ARHGAP22: variants seen among roughly 807,000 people sequenced by gnomAD.
ARHGAP22 encodes rho GTPase-activating protein 22.
ARHGAP22 carries 48 observed loss-of-function variants against 59.1 expected under a neutral mutation model. The observed-to-expected ratio is 0.81, with a 90% confidence interval of 0.64 to 1.03. The LOEUF (loss-of-function observed/expected upper bound fraction) is 1.03, where lower values mean the gene tolerates loss of function less well. Ranked by LOEUF, ARHGAP22 falls within the 50% of genes least tolerant of loss-of-function variation. ARHGAP22 has a pLI of 0.00. For missense variants in ARHGAP22, 1,015 were observed against 958.7 expected (o/e 1.06, Z -0.78); for synonymous variants, 445 against 416.4 (o/e 1.07, Z -0.84).
chr10:48,448,554 C>T (rs1442916932), intron 9 of ARHGAP22, among the ~76,000 whole-genome samples: 1 of 152,100 alleles, frequency 6.6e-6, no homozygotes, highest in African/African-American at 2.4e-5. Context: ...TGGGGAGGGG[C>T]TCTGACCAGA....
intron 1 of ARHGAP22, among the ~76,000 whole-genome samples, chr10:48,621,449 A>G (rs966610272): frequency 2.6e-5 from 4 of 152,238 alleles, no homozygotes; most frequent in Admixed American, 2.6e-4. Context: ...ATTCTTATTC[A>G]GAAAATAATT....
intron 3 of ARHGAP22, among the ~76,000 whole-genome samples, chr10:48,501,174 TG>T (rs1034320958): frequency 5.0e-4 from 76 of 152,340 alleles, no homozygotes; most frequent in African/African-American, 1.8e-3. Context: ...TGCCCAGATT[TG>T]TTTGAATATG....
intron 2 of ARHGAP22, among the ~76,000 whole-genome samples, chr10:48,560,113 T>C (rs7894971): frequency 0.27 from 40,474 of 152,094 alleles, 6,047 homozygotes; most frequent in African/African-American, 0.4. Context: ...AACCATCTGA[T>C]CTTAAATCTA....
chr10:48,620,317 C>T (rs2061241097), intron 1 of ARHGAP22, among the ~76,000 whole-genome samples: 1 of 151,558 alleles, frequency 6.6e-6, no homozygotes, highest in Non-Finnish European at 1.5e-5. Context: ...CATACACTGT[C>T]TTCCCATCTC....
intron 3 of ARHGAP22, among the ~76,000 whole-genome samples, chr10:48,547,518 C>T (rs2056549223): frequency 1.3e-5 from 2 of 152,222 alleles, no homozygotes; most frequent in African/African-American, 4.8e-5. Flanking sequence ...CCCCGAGTCT[C>T]CTGACCCTGA....
At chr10:48,602,773 A>G (rs1046188680) in intron 1 of ARHGAP22, among the ~76,000 whole-genome samples, 43 of 152,230 alleles carry the variant, frequency 2.8e-4, no homozygotes, top group Non-Finnish European at 5.9e-5. Flanking sequence ...AATCAGTCAC[A>G]CTCAGGAGTA....
At chr10:48,582,853 G>A in intron 2 of ARHGAP22, 100 bp downstream of exon 2, 2 of 1,356,986 alleles carry the variant, frequency 1.5e-6, no homozygotes, top group South Asian at 1.3e-5. Flanking sequence ...CTGTGATGGA[G>A]TCAGTGGCTC....
chr10:48,577,963 C>CA (rs549944508), intron 2 of ARHGAP22, among the ~76,000 whole-genome samples: 323 of 152,028 alleles, frequency 2.1e-3, no homozygotes, highest in African/African-American at 7.1e-3. Flanking sequence ...CATGTGCCAG[C>CA]ACACCCGGCT....
chr10:48,479,749 CG>C lies in ARHGAP22; in HGVS notation c.337del (p.Arg113GlyfsTer45), dbSNP rs765711115. On this transcript the variant is annotated frameshift_variant, in exon 4 of 10. Coordinates refer to ENST00000249601, the MANE Select transcript of ARHGAP22 (RefSeq NM_021226.4). LOFTEE classifies it high-confidence loss of function. Reference protein sequence around the residue: ...FEISPGGAGEREKVPANPEAL... With the variant: ...FEISPGGAGEXEKVPANPEAL... ...CTCGGGGTTGGCCGGCACCTTCTCCCGCTCCCCGGCACCACCTGCAAGACAG... is the reference window on the plus strand; with the variant it reads ...CTCGGGGTTGGCCGGCACCTTCTCCCCTCCCCGGCACCACCTGCAAGACAG... 1.9e-6 allele frequency: 3 copies of C among 1,592,040 alleles called. No homozygotes were observed. The highest frequency in any genetic ancestry group is 2.6e-6 in the Non-Finnish European group (3 of 1,167,572).
At chr10:48,646,005 A>G (rs1202514691) in intron 1 of ARHGAP22, among the ~76,000 whole-genome samples, 1 of 152,252 alleles carries the variant, frequency 6.6e-6, no homozygotes, top group Non-Finnish European at 1.5e-5. Context: ...TCAAAGTTGC[A>G]GAATACAAGA....
intron 1 of ARHGAP22, among the ~76,000 whole-genome samples, chr10:48,644,087 C>T (rs997555420): frequency 2.0e-5 from 3 of 152,020 alleles, no homozygotes; most frequent in Admixed American, 6.5e-5. Flanking sequence ...GCAGAGGTTG[C>T]GGTGAGCCGA....
chr10:48,466,727 G>C (rs1303282892), intron 4 of ARHGAP22: 1 of 148,744 alleles, frequency 6.7e-6, no homozygotes, highest in African/African-American at 2.4e-5. Flanking sequence ...CACGCGCGCA[G>C]GTAGCGTCTT....
intron 3 of ARHGAP22, among the ~76,000 whole-genome samples, chr10:48,501,741 A>AG (rs1361898245): frequency 2.2e-5 from 2 of 89,478 alleles, no homozygotes; most frequent in African/African-American, 2.4e-4. Context: ...ATGTACATCC[A>AG]AAAAAAAAAA....
At chr10:48,486,076 T>G (rs1464853231) in intron 3 of ARHGAP22, among the ~76,000 whole-genome samples, 1 of 152,066 alleles carries the variant, frequency 6.6e-6, no homozygotes, top group Admixed American at 6.5e-5. Flanking sequence ...TCATTCTATC[T>G]GCTTTGTTGG....
intron 3 of ARHGAP22, among the ~76,000 whole-genome samples, chr10:48,502,246 G>A (rs967044692): frequency 6.6e-6 from 1 of 152,164 alleles, no homozygotes; most frequent in African/African-American, 2.4e-5. Context: ...GGGGCTTTTA[G>A]GGGATCAGTG....
intron 2 of ARHGAP22, among the ~76,000 whole-genome samples, chr10:48,558,410 T>C (rs551840625): frequency 2.4e-4 from 36 of 152,108 alleles, no homozygotes; most frequent in African/African-American, 8.0e-4. Flanking sequence ...TGGCCCAGGC[T>C]GGAGAGCAGT....
intron 1 of ARHGAP22, chr10:48,624,053 A>T (rs1468415862): frequency 6.6e-6 from 1 of 152,186 alleles, no homozygotes; most frequent in African/African-American, 2.4e-5. Flanking sequence ...TTGACCCTTG[A>T]TGAATCAGTT....
intron 8 of ARHGAP22, among the ~76,000 whole-genome samples, chr10:48,453,017 C>G (rs1318401165): frequency 6.6e-6 from 1 of 152,254 alleles, no homozygotes; most frequent in African/African-American, 2.4e-5. Flanking sequence ...ATCCCTCCAG[C>G]CTCTTCCATC....
chr10:48,590,246 G>A (rs946924121), intron 1 of ARHGAP22, among the ~76,000 whole-genome samples: 2 of 151,924 alleles, frequency 1.3e-5, no homozygotes, highest in African/African-American at 4.8e-5. Context: ...CCCCTTGCTA[G>A]AACGGGAGGG....
Sources: gnomAD v4.1 joint callset for allele counts (sites outside exome capture counted in the v4.1 genomes callset) on GRCh38, gnomAD v4.1.1 for gene constraint, MANE v1.5 for transcripts, NCBI Gene and HGNC (gene_info 2026-07-23, HGNC 2026-07-21) for gene names.